The following BFSP2 variants were observed in gnomAD, a reference collection of about 807,000 sequenced individuals.
BFSP2 encodes phakinin.
In BFSP2, 38 loss-of-function variants were observed where a neutral mutation model predicts 44.9. The ratio of observed to expected loss-of-function variants is 0.85; its 90% confidence interval spans 0.65 to 1.11. The LOEUF (loss-of-function observed/expected upper bound fraction) is 1.11. Ranked by LOEUF, BFSP2 falls within the 50% of genes least tolerant of loss-of-function variation. The pLI, the probability that BFSP2 is intolerant of heterozygous loss-of-function variation, is 0.00. For missense variants in BFSP2, 525 were observed against 533.0 expected, an observed-to-expected ratio of 0.99 and a Z score of 0.15; for synonymous variants, 197 against 209.9, an observed-to-expected ratio of 0.94 and a Z score of 0.53.
intron 1 of BFSP2, among the ~76,000 whole-genome samples, chr3:133,433,024 C>T (rs950240605): frequency 5.3e-5 from 8 of 152,160 alleles, no homozygotes; most frequent in South Asian, 2.1e-4. Context: ...CTTCCAAAAT[C>T]GATTTTCTTC....
chr3:133,431,255 C>A (rs2073714086), intron 1 of BFSP2, among the ~76,000 whole-genome samples: 2 of 152,210 alleles, frequency 1.3e-5, no homozygotes, highest in South Asian at 2.1e-4. Context: ...CCTCGCCTTC[C>A]AGGTGTACAA....
chr3:133,454,666 T>G (rs1016888375), intron 4 of BFSP2, among the ~76,000 whole-genome samples: 15 of 152,220 alleles, frequency 9.9e-5, no homozygotes, highest in African/African-American at 3.1e-4. Context: ...CTTTACATAT[T>G]TTTGCCAGCT....
chr3:133,415,779 A>T (rs75238736), intron 1 of BFSP2, among the ~76,000 whole-genome samples: 2 of 90,700 alleles, frequency 2.2e-5, no homozygotes, highest in Non-Finnish European at 4.3e-5. Flanking sequence ...TCTCCCCTCC[A>T]CTTACCCTTC....
At chr3:133,422,991 G>A (rs1576567823) in intron 1 of BFSP2, among the ~76,000 whole-genome samples, 1 of 152,330 alleles carries the variant, frequency 6.6e-6, no homozygotes, top group Non-Finnish European at 1.5e-5. Context: ...GACACACCCT[G>A]TCATGGTTCC....
chr3:133,418,039 CAT>C (rs2073560261), intron 1 of BFSP2, among the ~76,000 whole-genome samples: 1 of 117,902 alleles, frequency 8.5e-6, no homozygotes, highest in Non-Finnish European at 1.9e-5. Flanking sequence ...CCCCTCTACT[CAT>C]CCCTATCCTC....
intron 6 of BFSP2, among the ~76,000 whole-genome samples, chr3:133,474,670 TCATTTAGTGAGTGCCAAGGCAGA>T (rs1372902492): frequency 3.3e-5 from 5 of 152,198 alleles, no homozygotes; most frequent in African/African-American, 1.2e-4. Flanking sequence ...TGTGCTACGT[TCATTTAGTGAGTGCCAAGGCAGA>T]CCTGACTCTT....
intron 5 of BFSP2, among the ~76,000 whole-genome samples, chr3:133,469,046 C>A (rs911303921): frequency 1.7e-4 from 26 of 152,200 alleles, no homozygotes; most frequent in African/African-American, 6.0e-4. Flanking sequence ...GCATCACCAG[C>A]CACCTGGTCA....
chr3:133,449,742 G>A (rs2073939248), intron 3 of BFSP2, among the ~76,000 whole-genome samples: 1 of 151,900 alleles, frequency 6.6e-6, no homozygotes, highest in South Asian at 2.1e-4. Context: ...GCTGGGCATG[G>A]TGGTGTGTGC....
chr3:133,413,849 C>G (rs920239803), intron 1 of BFSP2, among the ~76,000 whole-genome samples: 7 of 151,928 alleles, frequency 4.6e-5, no homozygotes, highest in Admixed American at 2.6e-4. Flanking sequence ...AACGAATAAC[C>G]ATCTAAATAA....
chr3:133,442,228 C>T (rs942951873), intron 1 of BFSP2, among the ~76,000 whole-genome samples: 9 of 152,202 alleles, frequency 5.9e-5, no homozygotes, highest in Non-Finnish European at 1.3e-4. Flanking sequence ...CAGCCTCGAC[C>T]TCCTGGCCTC....
intron 6 of BFSP2, among the ~76,000 whole-genome samples, chr3:133,474,748 G>T (rs530529481): frequency 6.6e-6 from 1 of 152,276 alleles, no homozygotes; most frequent in Non-Finnish European, 1.5e-5. Context: ...ACAACCTCAT[G>T]ATCCGTGTTT....
At chr3:133,459,652 T>TC (rs1372444608) in intron 4 of BFSP2, among the ~76,000 whole-genome samples, 1 of 152,158 alleles carries the variant, frequency 6.6e-6, no homozygotes, top group Non-Finnish European at 1.5e-5. Flanking sequence ...TTCTTTTTAA[T>TC]CCCCGCTGAG....
At chr3:133,418,924 G>A (rs189966978) in intron 1 of BFSP2, among the ~76,000 whole-genome samples, 1 of 152,180 alleles carries the variant, frequency 6.6e-6, no homozygotes. Context: ...TAGGAAGATG[G>A]GATTATGTGC....
intron 4 of BFSP2, among the ~76,000 whole-genome samples, chr3:133,452,175 A>AG (rs2073971454): frequency 6.6e-6 from 1 of 152,240 alleles, no homozygotes; most frequent in East Asian, 1.9e-4. Context: ...AATTATAAAA[A>AG]GCTATGAAAA....
At chr3:133,447,515 A>C in intron 2 of BFSP2, 116 bp downstream of exon 2, 2 of 1,038,990 alleles carry the variant, frequency 1.9e-6, no homozygotes, top group Non-Finnish European at 2.8e-6. Flanking sequence ...GGAAGCTGGC[A>C]GGATAACAGA....
At chr3:133,406,967 G>A (rs1513372) in intron 1 of BFSP2, among the ~76,000 whole-genome samples, 6,361 of 152,310 alleles carry the variant, frequency 0.042, 185 homozygotes, top group South Asian at 0.12. Flanking sequence ...CAAGTACATT[G>A]TGAGGCCAAG....
chr3:133,471,490 G>A (rs1307247877), intron 5 of BFSP2, among the ~76,000 whole-genome samples: 2 of 152,218 alleles, frequency 1.3e-5, no homozygotes, highest in African/African-American at 4.8e-5. Context: ...GCAGGTTCAG[G>A]AGGCAGCCAG....
chr3:133,456,127 G>A (rs773021999), intron 4 of BFSP2, among the ~76,000 whole-genome samples: 1 of 152,174 alleles, frequency 6.6e-6, no homozygotes, highest in Non-Finnish European at 1.5e-5. Context: ...CCAGGGTCAG[G>A]AACAAATGGA....
Position 133,432,773 on chromosome 3 carries a change from C to T in BFSP2, c.490-14544C>T, listed in dbSNP as rs541277245. ...CCTGCCGATCGTGTCCGACTAATCTCTCAAACCCCAGCACCTTCTACAAAA... is the reference window on the plus strand; with the variant it reads ...CCTGCCGATCGTGTCCGACTAATCTTTCAAACCCCAGCACCTTCTACAAAA... On this transcript the variant is annotated intron_variant, in intron 1 of 6. Transcript: ENST00000302334. 3.9e-5 allele frequency among the ~76,000 whole-genome samples: 6 copies of T among 152,300 alleles called. No individual in the cohort carries two copies. The South Asian group carries it at 1.2e-3, about 32-fold the overall frequency.
Sources: gnomAD v4.1 joint callset for allele counts (sites outside exome capture counted in the v4.1 genomes callset) on GRCh38, gnomAD v4.1.1 for gene constraint, MANE v1.5 for transcripts, NCBI Gene and HGNC (gene_info 2026-07-23, HGNC 2026-07-21) for gene names.